The following ZNF275 variants were observed in gnomAD, a reference collection of about 807,000 sequenced individuals.
The protein encoded by ZNF275 is zinc finger protein 275.
Under a neutral mutation model 4.3 loss-of-function variants are expected in ZNF275, and 4 were observed. That is an observed-to-expected ratio of 0.93 (90% confidence interval 0.46 to 2.13). ZNF275 has a LOEUF of 2.13. Ranked by LOEUF, ZNF275 falls within the 30% of genes most tolerant of loss-of-function variation. The pLI, the probability that ZNF275 is intolerant of heterozygous loss-of-function variation, is 0.02. For missense variants in ZNF275, 352 were observed against 397.1 expected (o/e 0.89, Z 0.97); for synonymous variants, 173 against 166.9 (o/e 1.04, Z -0.28).
chrX:153,342,516 G>A (rs1469552552), intron 2 of ZNF275, among the ~76,000 whole-genome samples: 1 of 111,766 alleles, frequency 8.9e-6, no homozygotes. Flanking sequence ...GATTTGGGGT[G>A]GTAGTTACTT....
chrX:153,344,441 T>C (rs1556961313), intron 2 of ZNF275: 3 of 268,012 alleles, frequency 1.1e-5, no homozygotes, highest in African/African-American at 8.6e-5. Context: ...TCCAGGAAAG[T>C]GATTGAATGG....
At position 153,348,168 on chromosome X, in the gene ZNF275, G is replaced by T; in HGVS notation, c.*193G>T. On this transcript the variant is annotated 3_prime_UTR_variant, in exon 4 of 4. Coordinates refer to ENST00000650114, the MANE Select transcript of ZNF275 (RefSeq NM_001367757.1). ...TAGCTTGTACCATTTAACTTAGTTT[G>T]GCTAGTTTAACTGGTAGGAAGTACC... 1 of 271,974 alleles carries T rather than the reference G, an allele frequency of 3.7e-6. No individual in the cohort carries two copies. Among genetic ancestry groups the T allele is most frequent in the African/African-American group, 2.8e-5 (1 of 35,160 alleles). 22.4% of individuals were successfully genotyped at this position (271,974 alleles called of 1,213,427 possible).
chrX:153,341,129 G>A lies in ZNF275; in HGVS notation c.32-4391G>A, dbSNP rs1305966977. 5.3e-5 allele frequency among the ~76,000 whole-genome samples: 6 copies of A among 112,198 alleles called. No individual in the cohort carries two copies. The Admixed American group carries it at 5.6e-4, about 11-fold the overall frequency. On this transcript the variant is annotated intron_variant, in intron 2 of 3. Transcript: ENST00000650114. ...GTCTTTATATTTAAAGTTTCTTGTA[G>A]ACAGTATGTCTTGTTTTTATTACAG...
intron 2 of ZNF275, among the ~76,000 whole-genome samples, chrX:153,338,520 CA>C (rs1478633837): frequency 9.0e-6 from 1 of 111,024 alleles, no homozygotes; most frequent in Non-Finnish European, 1.9e-5. Flanking sequence ...GGATTATTAA[CA>C]ATTCATTTGG....
At chrX:153,345,466 A>G (rs1252499233) in intron 2 of ZNF275, 54 bp from the exon 3 acceptor site, 1 of 1,002,314 alleles carries the variant, frequency 1.0e-6, no homozygotes, top group Admixed American at 2.2e-5. Context: ...TTCCTCCACT[A>G]TTCTCATGTC....
At position 153,349,399 on chromosome X, in the gene ZNF275, C is replaced by T. The variant is rs996717942; in HGVS notation, c.*1424C>T. 6 of 123,914 alleles carry T rather than the reference C, an allele frequency of 4.8e-5. No individual in the cohort carries two copies. Among genetic ancestry groups the T allele is most frequent in the African/African-American group, 9.7e-5 (3 of 30,986 alleles). 10.2% of individuals were successfully genotyped at this position (123,914 alleles called of 1,213,427 possible). A position where few individuals can be genotyped will look rare whatever the true frequency, so the allele number is the denominator to read the frequency against. On this transcript the variant is annotated 3_prime_UTR_variant, in exon 4 of 4. Transcript: ENST00000650114. ...CCACCAGTCTCATCTTTCTCTTATGCGATGACTTAAATGGTGTTTCTGTTT... is the reference window on the plus strand; with the variant it reads ...CCACCAGTCTCATCTTTCTCTTATGTGATGACTTAAATGGTGTTTCTGTTT...
At chrX:153,344,185 A>C (rs189831928) in intron 2 of ZNF275, 3 of 328,543 alleles carry the variant, frequency 9.1e-6, no homozygotes, top group East Asian at 2.0e-4. Context: ...AGGTCCTGGC[A>C]GTCCCTCTTG....
At position 153,347,103 on chromosome X, in the gene ZNF275, G is replaced by C. The variant is rs1556961674; in HGVS notation, c.418G>C (p.Gly140Arg). 5.8e-6 allele frequency: 7 copies of C among 1,209,594 alleles called. No homozygotes were observed. In the Admixed American group the frequency reaches 6.6e-5, roughly 11 times the overall value. The change falls in exon 4 of 4, where the codon GGG becomes CGG. Residue 140 changes from glycine (G) to arginine (R), a missense_variant. Coordinates refer to ENST00000650114, the MANE Select transcript of ZNF275 (RefSeq NM_001367757.1). ...ECGDCGKVFRGVAEFNEHRKS... is the reference protein window; with the variant it reads ...ECGDCGKVFRRVAEFNEHRKS... ...TGGCGACTGCGGGAAGGTCTTTAGG[G>C]GGGTGGCGGAGTTTAATGAGCACAG...
intron 2 of ZNF275, among the ~76,000 whole-genome samples, chrX:153,338,660 CTGTGTGTG>C (rs372399918): frequency 0.025 from 1,934 of 76,507 alleles, 24 homozygotes; most frequent in South Asian, 0.054. Context: ...CTTGGGAGGA[CTGTGTGTG>C]TGTGTGTGTG....
Position 153,347,835 on chromosome X carries a change from A to C in ZNF275, c.1150A>C (p.Lys384Gln), listed in dbSNP as rs782542192. ...ACCCTATGAGTGCGACAAATGCGGC[A>C]AGGCCTTCCGCCGGAGCTCCGGCCT... ...LKPYECDKCGKAFRRSSGLSR... is the reference protein window; with the variant it reads ...LKPYECDKCGQAFRRSSGLSR... The change falls in exon 4 of 4, where the codon AAG (lysine) becomes CAG (glutamine). Residue 384 changes from lysine (K) to glutamine (Q), a missense_variant. By Grantham distance (53) the Lys-to-Gln change is moderately conservative. Transcript: ENST00000650114. 1.6e-5 allele frequency: 19 copies of C among 1,209,504 alleles called. No homozygotes were observed. The highest frequency in any genetic ancestry group is 2.0e-5 in the Non-Finnish European group (18 of 894,139).
rs782416354 is a variant in ZNF275 at position 153,345,570 on chromosome X, G to T, written c.82G>T (p.Val28Leu). 9.1e-6 allele frequency: 11 copies of T among 1,210,043 alleles called. No individual in the cohort carries two copies. Among genetic ancestry groups the T allele is most frequent in the Non-Finnish European group, 1.2e-5 (11 of 894,713 alleles). ...ALVPHLAQGQ[V>L]LLVSDPSPNT... ...GGTCCCTCACCTGGCACAAGGACAA[G>T]TGCTACTGGTGTCAGACCCATCGCC... The change falls in exon 3 of 4, where the codon GTG becomes TTG. Residue 28 changes from valine (V) to leucine (L), a missense_variant. Transcript: ENST00000650114.
intron 2 of ZNF275, among the ~76,000 whole-genome samples, chrX:153,343,727 G>A (rs782239490): frequency 9.0e-6 from 1 of 111,376 alleles, no homozygotes; most frequent in South Asian, 3.9e-4. Flanking sequence ...CCTCTACAAA[G>A]TTGGAAAGGG....
chrX:153,347,929 A>G lies in ZNF275; in HGVS notation c.1244A>G (p.Lys415Arg). The change falls in exon 4 of 4, where the codon AAG becomes AGG. Residue 415 changes from lysine (K) to arginine (R), a missense_variant. Lys to Arg is a conservative substitution (Grantham distance 26). Coordinates refer to ENST00000650114, the MANE Select transcript of ZNF275 (RefSeq NM_001367757.1). ...TGCAGCCAGTGTGGCCGCGTGTTCA[A>G]GAGGCGCTCGGCACTGCAGAAGCAT... Reference protein sequence around the residue: ...CECSQCGRVFKRRSALQKHQP... With the variant: ...CECSQCGRVFRRRSALQKHQP... The G allele has an allele frequency of 8.6e-7, 1 of 1,159,137 alleles. No homozygotes were observed. Among genetic ancestry groups the G allele is most frequent in the African/African-American group, 1.8e-5 (1 of 56,780 alleles).
chrX:153,335,817 CT>C (rs782610445), intron 1 of ZNF275, among the ~76,000 whole-genome samples: 6 of 110,441 alleles, frequency 5.4e-5, no homozygotes, highest in African/African-American at 1.6e-4. Context: ...AAAATGCAGA[CT>C]CCTTGGTCTC....
chrX:153,341,688 T>G (rs895746543), intron 2 of ZNF275, among the ~76,000 whole-genome samples: 1 of 112,571 alleles, frequency 8.9e-6, no homozygotes, highest in Admixed American at 9.4e-5. Context: ...GCCTTCATTT[T>G]GGAAGGAAAT....
chrX:153,339,009 C>A (rs782067257), intron 2 of ZNF275, among the ~76,000 whole-genome samples: 167 of 110,950 alleles, frequency 1.5e-3, no homozygotes, highest in Non-Finnish European at 2.8e-3. Flanking sequence ...TGAATGGAGG[C>A]GGTAATAACC....
intron 2 of ZNF275, among the ~76,000 whole-genome samples, chrX:153,341,355 A>C (rs1409085529): frequency 8.9e-6 from 1 of 112,098 alleles, no homozygotes; most frequent in Non-Finnish European, 1.9e-5. Flanking sequence ...GCTTATTAGC[A>C]TGTATCAGAG....
chrX:153,345,410 G>A, intron 2 of ZNF275, 110 bp from the exon 3 acceptor site: 1 of 535,208 alleles, frequency 1.9e-6, no homozygotes, highest in Non-Finnish European at 3.1e-6. Context: ...CTAAAGCCTG[G>A]TCTTTGAAGA....
chrX:153,334,472 G>A (rs1485598718), intron 1 of ZNF275, among the ~76,000 whole-genome samples, 187 bp downstream of exon 1: 3 of 111,925 alleles, frequency 2.7e-5, no homozygotes, highest in African/African-American at 9.7e-5. Flanking sequence ...AGAGTGCACG[G>A]TGGAGGGAGG....
Sources: allele counts gnomAD v4.1 joint callset (sites outside exome capture counted in the v4.1 genomes callset), GRCh38; gene constraint gnomAD v4.1.1; transcripts MANE v1.5; gene names NCBI Gene and HGNC (gene_info 2026-07-23, HGNC 2026-07-21).